The following RC3H2 variants were observed in gnomAD, a reference collection of about 807,000 sequenced individuals.
RC3H2 encodes roquin-2.
Under a neutral mutation model 133.3 loss-of-function variants are expected in RC3H2, and 31 were observed. That is an observed-to-expected ratio of 0.23 (90% CI 0.17 to 0.31). The LOEUF is 0.31. Ranked by LOEUF, RC3H2 falls within the 10% of genes least tolerant of loss-of-function variation. The probability of loss-of-function intolerance (pLI) is 1.00; values close to 1 mark genes in which losing one functional copy is unlikely to be tolerated. For missense variants in RC3H2, 1,175 were observed against 1,437.2 expected, an observed-to-expected ratio of 0.82 and a Z score of 2.95; for synonymous variants, 517 against 502.2, an observed-to-expected ratio of 1.03 and a Z score of -0.40.
rs762064203 is a variant in RC3H2 at position 122,858,977 on chromosome 9, T to C, written c.1975A>G (p.Ser659Gly). 12 of 1,614,036 alleles carry C rather than the reference T, an allele frequency of 7.4e-6. No individual in the cohort carries two copies. The highest frequency in any genetic ancestry group is 1.1e-5 in the South Asian group (1 of 91,092). Residue 659 changes from serine to glycine, a missense_variant, in exon 12 of 21, where the codon AGT (serine) becomes GGT (glycine). Coordinates refer to ENST00000357244, the MANE Select transcript of RC3H2 (RefSeq NM_001100588.3). ...ATTCGATCTCGAGGGGAAAATGTAC[T>C]GTAATGATCGGCATATGGCATGGAA... is the stretch of plus-strand genomic sequence containing the variant. The part of the protein sequence containing the change: ...PASMPYADHY[S>G]TFSPRDRMNS...
Position 122,845,259 on chromosome 9 carries a change from T to C in RC3H2, c.*4368A>G, listed in dbSNP as rs1829844876. ...GGAAAAGAATATGCAATAAACAGTA[T>C]AAATGCAGACAGCAGTTGCTGCAAG... On this transcript the variant is annotated 3_prime_UTR_variant, in exon 21 of 21. Coordinates refer to ENST00000357244, the MANE Select transcript of RC3H2 (RefSeq NM_001100588.3). 6.6e-6 allele frequency: 1 copy of C among 152,178 alleles called. No homozygotes were observed. The highest frequency in any genetic ancestry group is 1.5e-5 in the Non-Finnish European group (1 of 68,026). 9.4% of individuals were successfully genotyped at this position (152,178 alleles called of 1,614,324 possible). A position where few individuals can be genotyped will look rare whatever the true frequency, so the allele number is the denominator to read the frequency against.
chr9:122,856,393 T>C (rs1038543638), intron 13 of RC3H2, among the ~76,000 whole-genome samples: 1 of 152,192 alleles, frequency 6.6e-6, no homozygotes, highest in Non-Finnish European at 1.5e-5. Context: ...GCTGGGACTA[T>C]AGGCACACGC....
At chr9:122,878,337 G>A (rs1831431879) in intron 8 of RC3H2, among the ~76,000 whole-genome samples, 1 of 151,994 alleles carries the variant, frequency 6.6e-6, no homozygotes, top group South Asian at 2.1e-4. Context: ...CGCCATCTCA[G>A]CTCACTGCAA....
chr9:122,896,607 T>A (rs914166850), intron 2 of RC3H2, among the ~76,000 whole-genome samples: 1 of 152,190 alleles, frequency 6.6e-6, no homozygotes. Context: ...TTGAAATTTA[T>A]TTTTTACACC....
chr9:122,867,892 TG>T (rs1477860287), intron 9 of RC3H2, among the ~76,000 whole-genome samples: 6 of 44,302 alleles, frequency 1.4e-4, no homozygotes, highest in Non-Finnish European at 1.5e-4. Context: ...GGGAGGGAGG[TG>T]GGGGGGTCAG....
intron 9 of RC3H2, among the ~76,000 whole-genome samples, chr9:122,866,932 G>A (rs1276064241): frequency 3.4e-5 from 5 of 145,680 alleles, no homozygotes; most frequent in East Asian, 4.1e-4. Context: ...GCGTCTGCCC[G>A]GCCGCCATCC....
rs763870579 is a variant in RC3H2, at chr9:122,846,251, T to C, written c.*3376A>G. 1.3e-5 allele frequency: 2 copies of C among 152,224 alleles called. No homozygotes were observed. Among genetic ancestry groups the C allele is most frequent in the Admixed American group, 6.5e-5 (1 of 15,282 alleles). 9.4% of individuals were successfully genotyped at this position (152,224 alleles called of 1,614,324 possible). ...CCATACAAATGGAAAATTTCAGTTC[T>C]TGTATAGGAAATTTCTTTTATTATC... On this transcript the variant is annotated 3_prime_UTR_variant, in exon 21 of 21. Coordinates refer to ENST00000357244, the MANE Select transcript of RC3H2 (RefSeq NM_001100588.3).
intron 1 of RC3H2, among the ~76,000 whole-genome samples, chr9:122,899,993 G>T (rs532212873): frequency 6.6e-6 from 1 of 152,208 alleles, no homozygotes; most frequent in South Asian, 2.1e-4. Context: ...GGCTTGGGGT[G>T]GGGGAGTTTC....
chr9:122,904,678 G>C (rs1384646693), intron 1 of RC3H2, among the ~76,000 whole-genome samples: 1 of 152,152 alleles, frequency 6.6e-6, no homozygotes, highest in African/African-American at 2.4e-5. Flanking sequence ...TTACCACTCA[G>C]ATCGCCTCCA....
intron 9 of RC3H2, among the ~76,000 whole-genome samples, chr9:122,876,416 T>C (rs1456674934): frequency 6.6e-6 from 1 of 152,056 alleles, no homozygotes; most frequent in African/African-American, 2.4e-5. Flanking sequence ...TCGCTTGAGG[T>C]CAGGAGTTTG....
chr9:122,903,219 C>G (rs1167498711), intron 1 of RC3H2, among the ~76,000 whole-genome samples: 1 of 152,230 alleles, frequency 6.6e-6, no homozygotes, highest in East Asian at 1.9e-4. Context: ...ATTCATGAGA[C>G]TGGATGCAAA....
intron 2 of RC3H2, among the ~76,000 whole-genome samples, chr9:122,893,484 A>G (rs1158741025): frequency 2.0e-5 from 3 of 152,132 alleles, no homozygotes; most frequent in Non-Finnish European, 4.4e-5. Flanking sequence ...ACAGAGTGAG[A>G]CTCCATCTCA....
At chr9:122,858,192 TA>T in intron 12 of RC3H2, 99 bp from the exon 13 acceptor site, 4 of 1,141,328 alleles carry the variant, frequency 3.5e-6, no homozygotes, top group Middle Eastern at 2.1e-4. Flanking sequence ...ATTGTTGGGA[TA>T]AAAAAATACA....
intron 9 of RC3H2, among the ~76,000 whole-genome samples, chr9:122,867,437 A>C (rs1252792555): frequency 7.5e-6 from 1 of 132,956 alleles, no homozygotes; most frequent in Non-Finnish European, 1.6e-5. Context: ...CCGGCCAGCC[A>C]CCCCGTCCAG....
chr9:122,854,466 G>A, intron 16 of RC3H2, 65 bp downstream of exon 16: 1 of 1,292,632 alleles, frequency 7.7e-7, no homozygotes, highest in African/African-American at 1.5e-5. Context: ...GGGGTAGAAT[G>A]TGTACCCTTA....
chr9:122,869,689 A>G (rs1830978072), intron 9 of RC3H2, among the ~76,000 whole-genome samples: 1 of 151,032 alleles, frequency 6.6e-6, no homozygotes, highest in Admixed American at 6.6e-5. Context: ...CAGCCTCTGG[A>G]GTACAGGTGC....
rs930768335 is a variant in RC3H2, at chr9:122,851,380, C to T, written c.3174G>A (p.Glu1058=). 2 of 1,614,228 alleles carry T rather than the reference C, an allele frequency of 1.2e-6. No homozygotes were observed. Among genetic ancestry groups the T allele is most frequent in the Non-Finnish European group, 8.5e-7 (1 of 1,180,040 alleles). The change falls in exon 19 of 21, where the codon GAG becomes GAA. Residue 1058 remains glutamate (E), a synonymous_variant. Transcript: ENST00000357244. ...CAGTATCAAGTGCTGAAAGCTCTAA[C>T]TCGATATCCCTATCAGGTTTAGTAT... The part of the protein sequence containing the change: ...ATDTKPDRDI[E]LELSALDTDE...
chr9:122,859,662 AT>A (rs1382398464), intron 11 of RC3H2, among the ~76,000 whole-genome samples: 1 of 152,072 alleles, frequency 6.6e-6, no homozygotes, highest in Non-Finnish European at 1.5e-5. Flanking sequence ...TAAATAAAAC[AT>A]TTTTTTACAT....
At position 122,854,051 on chromosome 9, in the gene RC3H2, G is replaced by A. The variant is rs527355494; in HGVS notation, c.3018C>T (p.Ala1006=). Residue 1006 remains alanine (A), a synonymous_variant, in exon 18 of 21, where the codon GCC becomes GCT. Coordinates refer to ENST00000357244, the MANE Select transcript of RC3H2 (RefSeq NM_001100588.3). ...ACTTCTGTTGCATGGCCAAAGCATT[G>A]GCCTCTCTCTGAAGAAGTAATGAGT... The part of the protein sequence containing the change: ...KSNSLLLQRE[A]NALAMQQKWN... 5.6e-6 allele frequency: 9 copies of A among 1,614,102 alleles called. No homozygotes were observed. The East Asian group carries it at 2.0e-4, about 36-fold the overall frequency.
Sources: allele counts gnomAD v4.1 joint callset (sites outside exome capture counted in the v4.1 genomes callset), GRCh38; gene constraint gnomAD v4.1.1; transcripts MANE v1.5; gene names NCBI Gene and HGNC (gene_info 2026-07-23, HGNC 2026-07-21).